Variants in FARS2 observed in about 807,000 individuals in gnomAD.
The protein encoded by FARS2 is phenylalanyl-tRNA synthetase 2, mitochondrial.
In FARS2, 40 loss-of-function variants were observed where a neutral mutation model predicts 46.4. The observed-to-expected ratio is 0.86, with a 90% CI of 0.67 to 1.12. The LOEUF (loss-of-function observed/expected upper bound fraction) is 1.12, where lower values mean the gene tolerates loss of function less well. Ranked by LOEUF, FARS2 falls within the 50% of genes most tolerant of loss-of-function variation. FARS2 has a pLI of 0.00. For synonymous variants in FARS2, 234 were observed against 214.9 expected (o/e 1.09, Z -0.78); for missense variants, 513 against 567.9 (o/e 0.90, Z 0.98).
At chr6:5,596,716 T>A (rs1017107426) in intron 5 of FARS2, among the ~76,000 whole-genome samples, 25 of 152,136 alleles carry the variant, frequency 1.6e-4, no homozygotes, top group Admixed American at 1.6e-3. Context: ...GAATAGTGAT[T>A]TGGGTGGAGG....
intron 4 of FARS2, among the ~76,000 whole-genome samples, chr6:5,468,918 A>T (rs1765660529): frequency 6.6e-6 from 1 of 152,220 alleles, no homozygotes; most frequent in African/African-American, 2.4e-5. Flanking sequence ...TGGAATTTGT[A>T]TCCATATAAC....
At position 5,550,674 on chromosome 6, in the gene FARS2, C is replaced by G. The variant is rs534972296; in HGVS notation, c.1065+5334C>G. On this transcript the variant is annotated intron_variant, in intron 5 of 6. Coordinates refer to ENST00000274680, the MANE Select transcript of FARS2 (RefSeq NM_006567.5). ...CAAATAGCCTTCTTTCTTTCCTTCT[C>G]TTTTTGTTCTTTTGTCCCTCTCAAT... Among the ~76,000 whole-genome samples the G allele has an allele frequency of 4.6e-5, 7 of 152,322 alleles. No individual in the cohort carries two copies. In the South Asian group the frequency reaches 1.2e-3, roughly 27 times the overall value.
chr6:5,409,638 G>A (rs1390494540), intron 3 of FARS2, among the ~76,000 whole-genome samples: 1 of 152,242 alleles, frequency 6.6e-6, no homozygotes, highest in Non-Finnish European at 1.5e-5. Context: ...TGAGCTGGCA[G>A]AATTATGGAA....
At chr6:5,629,488 T>TA (rs922860980) in intron 6 of FARS2, among the ~76,000 whole-genome samples, 1 of 152,068 alleles carries the variant, frequency 6.6e-6, no homozygotes, top group African/African-American at 2.4e-5. Context: ...GACAGAAATG[T>TA]AAGAGTGAAG....
chr6:5,487,959 T>C (rs1766878021), intron 4 of FARS2, among the ~76,000 whole-genome samples: 1 of 152,226 alleles, frequency 6.6e-6, no homozygotes, highest in African/African-American at 2.4e-5. Flanking sequence ...TGTAGGGGCA[T>C]GGAAGCTGGA....
intron 4 of FARS2, among the ~76,000 whole-genome samples, chr6:5,449,279 G>A (rs528722258): frequency 6.9e-6 from 1 of 145,910 alleles, no homozygotes; most frequent in African/African-American, 2.5e-5. Context: ...AACCTGGGAG[G>A]CAGAGGTTGC....
At chr6:5,265,291 G>C (rs1765476908) in intron 1 of FARS2, among the ~76,000 whole-genome samples, 1 of 152,218 alleles carries the variant, frequency 6.6e-6, no homozygotes. Context: ...AAGCATGGAG[G>C]AAGAAGGGTG....
rs76034339 is a variant in FARS2, at chr6:5,630,085, C to G, written c.1217+16765C>G. ...GGCCAGGATTGGAACGTGTACTACTCTTGACCACTGGAGCTCCAGACATGA... is the reference window on the plus strand; with the variant it reads ...GGCCAGGATTGGAACGTGTACTACTGTTGACCACTGGAGCTCCAGACATGA... On this transcript the variant is annotated intron_variant, in intron 6 of 6. Coordinates refer to ENST00000274680, the MANE Select transcript of FARS2 (RefSeq NM_006567.5). The surrounding 1 kb of genome is among the most constrained non-coding windows in gnomAD (Gnocchi z 4.2). Among the ~76,000 whole-genome samples, 9 of 152,294 alleles carry G rather than the reference C, an allele frequency of 5.9e-5. No individual in the cohort carries two copies. The highest frequency in any genetic ancestry group is 1.0e-4 in the Non-Finnish European group (7 of 68,026).
intron 1 of FARS2, among the ~76,000 whole-genome samples, chr6:5,342,754 GAA>G (rs1192128961): frequency 2.9e-5 from 3 of 104,112 alleles, no homozygotes; most frequent in Non-Finnish European, 2.1e-5. Context: ...CTCTGTCTAA[GAA>G]AAAAAAAAAA....
chr6:5,687,696 C>T (rs1757352085), intron 6 of FARS2, among the ~76,000 whole-genome samples: 1 of 152,024 alleles, frequency 6.6e-6, no homozygotes, highest in African/African-American at 2.4e-5. Context: ...TTTTTTGGTT[C>T]CATATGAACT....
intron 1 of FARS2, among the ~76,000 whole-genome samples, chr6:5,283,395 A>AC (rs1766884084): frequency 6.8e-6 from 1 of 146,036 alleles, no homozygotes; most frequent in Non-Finnish European, 1.5e-5. Flanking sequence ...AAAAAAAAAA[A>AC]CAAATTAGCC....
rs1037515145 is a variant in FARS2 at position 5,758,199 on chromosome 6, G to GT, written c.1218-13081dup. On this transcript the variant is annotated intron_variant, in intron 6 of 6. Coordinates refer to ENST00000274680, the MANE Select transcript of FARS2 (RefSeq NM_006567.5). ...ATGTTGAAGTCCTGTAATGCAGCCA[G>GT]TTTTTTTTTTTAAAGAATTTTTATA... is the stretch of plus-strand genomic sequence containing the variant. 4.1e-3 allele frequency among the ~76,000 whole-genome samples: 604 copies of GT among 147,356 alleles called. 2 individuals carry two copies. The highest frequency in any genetic ancestry group is 0.011 in the Middle Eastern group (3 of 280).
At chr6:5,266,106 G>A (rs1488110659) in intron 1 of FARS2, among the ~76,000 whole-genome samples, 1 of 152,172 alleles carries the variant, frequency 6.6e-6, no homozygotes, top group East Asian at 1.9e-4. Context: ...GTGGTGGTAA[G>A]ATGGCTACTG....
chr6:5,385,078 A>T (rs1323258626), intron 2 of FARS2, among the ~76,000 whole-genome samples: 1 of 152,210 alleles, frequency 6.6e-6, no homozygotes, highest in East Asian at 1.9e-4. Flanking sequence ...TAGTTAAAAC[A>T]GGGAGGGACT....
chr6:5,721,356 A>T (rs1209998660), intron 6 of FARS2, among the ~76,000 whole-genome samples: 4 of 152,210 alleles, frequency 2.6e-5, no homozygotes, highest in Non-Finnish European at 5.9e-5. Flanking sequence ...ACTTTTGAGA[A>T]AATTGTGGCT....
rs70974187 is a variant in FARS2 at position 5,296,129 on chromosome 6, C to CTTTTTTTTTT, written c.-22+34490_-22+34499dup. Among the ~76,000 whole-genome samples, 15 of 55,072 alleles carry CTTTTTTTTTT rather than the reference C, an allele frequency of 2.7e-4. 2 individuals are homozygous for CTTTTTTTTTT. The highest frequency in any genetic ancestry group is 5.3e-4 in the African/African-American group (6 of 11,294). The allele number at this position is 55,072 out of a possible 152,430, so 36.1% of individuals were successfully genotyped here. A position where few individuals can be genotyped will look rare whatever the true frequency, so the allele number is the denominator to read the frequency against. ...CAAACATAAAAATTATCATTTTGGC[C>CTTTTTTTTTT]TTTTTTTTTTTTTTTTTTTTTTTTT... On this transcript the variant is annotated intron_variant, in intron 1 of 6. Transcript: ENST00000274680.
intron 2 of FARS2, among the ~76,000 whole-genome samples, chr6:5,384,187 T>C (rs1003570105): frequency 5.9e-5 from 9 of 152,330 alleles, no homozygotes; most frequent in African/African-American, 2.2e-4. Flanking sequence ...TTTGACGGAT[T>C]GAAATTTCTG....
At chr6:5,521,041 G>A (rs1000669712) in intron 4 of FARS2, among the ~76,000 whole-genome samples, 1 of 152,138 alleles carries the variant, frequency 6.6e-6, no homozygotes, top group African/African-American at 2.4e-5. Flanking sequence ...CTACAGATGA[G>A]CTCTGGTTCT....
intron 5 of FARS2, among the ~76,000 whole-genome samples, chr6:5,604,233 C>T (rs760677): frequency 0.28 from 42,772 of 152,034 alleles, 6,820 homozygotes; most frequent in African/African-American, 0.43. Context: ...CCTCTGTCAT[C>T]GCTCGTAGGA....
Sources: allele counts gnomAD v4.1 joint callset (sites outside exome capture counted in the v4.1 genomes callset), GRCh38; gene constraint gnomAD v4.1.1; non-coding constraint Gnocchi (gnomAD v3.1); transcripts MANE v1.5; gene names NCBI Gene and HGNC (gene_info 2026-07-23, HGNC 2026-07-21).